Variants in SLC4A4 observed in about 807,000 individuals in gnomAD.
The protein encoded by SLC4A4 is solute carrier family 4 member 4.
In SLC4A4, 27 loss-of-function variants were observed where a neutral mutation model predicts 111.5. That is an observed-to-expected ratio of 0.24 (90% confidence interval 0.18 to 0.33). SLC4A4 has a LOEUF of 0.33. Among genes scored for constraint, SLC4A4 ranks in the 10% least tolerant of loss-of-function variants. SLC4A4 has a pLI of 1.00. For synonymous variants in SLC4A4, 443 were observed against 463.4 expected (o/e 0.96, Z 0.57); for missense variants, 909 against 1,315.5 (o/e 0.69, Z 4.78).
At position 71,546,488 on chromosome 4, in the gene SLC4A4, A is replaced by G; in HGVS notation, c.2581A>G (p.Thr861Ala). ...CGACAGTTTGAAGATGGAGACAGAGACTTCTGCACCTGGAGAACAACCAAA... is the reference window on the plus strand; with the variant it reads ...CGACAGTTTGAAGATGGAGACAGAGGCTTCTGCACCTGGAGAACAACCAAA... ...HIDSLKMETE[T>A]SAPGEQPKFL... Residue 861 changes from threonine to alanine, a missense_variant, in exon 19 of 26, where the codon ACT (threonine) becomes GCT (alanine). Coordinates refer to ENST00000264485, the MANE Select transcript of SLC4A4 (RefSeq NM_001098484.3). The G allele has an allele frequency of 6.2e-7, 1 of 1,612,626 alleles. No individual in the cohort carries two copies. Among genetic ancestry groups the G allele is most frequent in the Non-Finnish European group, 8.5e-7 (1 of 1,179,052 alleles).
chr4:71,081,205 C>T (rs1289328901), intron 1 of SLC4A4, among the ~76,000 whole-genome samples: 1 of 152,122 alleles, frequency 6.6e-6, no homozygotes, highest in East Asian at 1.9e-4. Context: ...ATCTTAATGG[C>T]TCTGCATCTT....
At chr4:71,411,061 C>T (rs1414789723) in intron 7 of SLC4A4, among the ~76,000 whole-genome samples, 1 of 152,114 alleles carries the variant, frequency 6.6e-6, no homozygotes, top group African/African-American at 2.4e-5. Context: ...TATAACCATT[C>T]GATGACTACC....
At chr4:71,066,556 C>T (rs1025140561) in intron 1 of SLC4A4, among the ~76,000 whole-genome samples, 2 of 152,110 alleles carry the variant, frequency 1.3e-5, no homozygotes, top group African/African-American at 4.8e-5. Context: ...ATAGCAGAAA[C>T]AGTTCCAGAG....
At chr4:71,227,285 A>G (rs1719111956) in intron 1 of SLC4A4, among the ~76,000 whole-genome samples, 2 of 152,142 alleles carry the variant, frequency 1.3e-5, no homozygotes, top group African/African-American at 2.4e-5. Flanking sequence ...TGGCATGGGG[A>G]TGGTAGGACC....
At chr4:71,357,488 A>G (rs1730385429) in intron 6 of SLC4A4, among the ~76,000 whole-genome samples, 1 of 152,168 alleles carries the variant, frequency 6.6e-6, no homozygotes, top group Non-Finnish European at 1.5e-5. Context: ...TGAATATTAT[A>G]GATGAGTCAG....
chr4:71,223,398 C>T (rs1010129983), intron 1 of SLC4A4, among the ~76,000 whole-genome samples: 2 of 151,932 alleles, frequency 1.3e-5, no homozygotes, highest in Non-Finnish European at 2.9e-5. Context: ...TTCCTGACCT[C>T]GTGATCTGCC....
intron 16 of SLC4A4, among the ~76,000 whole-genome samples, chr4:71,499,123 G>A (rs982102426): frequency 1.3e-5 from 2 of 151,776 alleles, no homozygotes; most frequent in Non-Finnish European, 2.9e-5. Flanking sequence ...AATTTATTGG[G>A]CATCTTGGAT....
intron 18 of SLC4A4, among the ~76,000 whole-genome samples, chr4:71,545,960 G>C (rs1735483738): frequency 6.6e-6 from 1 of 152,040 alleles, no homozygotes; most frequent in East Asian, 1.9e-4. Context: ...AGTTTAAATT[G>C]CTACAAGATG....
intron 6 of SLC4A4, among the ~76,000 whole-genome samples, chr4:71,380,381 C>T (rs1030810874): frequency 4.6e-5 from 7 of 152,160 alleles, no homozygotes; most frequent in Non-Finnish European, 1.5e-5. Flanking sequence ...TTATGGTAGT[C>T]ATTAGGGCTA....
At chr4:71,340,700 G>C (rs192312437) in intron 4 of SLC4A4, among the ~76,000 whole-genome samples, 4 of 152,226 alleles carry the variant, frequency 2.6e-5, no homozygotes, top group African/African-American at 9.6e-5. Flanking sequence ...TTGCCTCTTA[G>C]TGACAAGACA....
chr4:71,440,902 T>C lies in SLC4A4; in HGVS notation c.965+129T>C, dbSNP rs566008065. The C allele has an allele frequency of 9.8e-5, 99 of 1,010,780 alleles. 1 individual carries two copies. In the South Asian group the frequency reaches 1.2e-3, roughly 13 times the overall value. The allele number at this position is 1,010,780 out of a possible 1,614,324, so 62.6% of individuals were successfully genotyped here. Reference sequence around the variant, plus strand: ...ATTGGAGAGGTTTAACTTGAAATAATGACTGTTTGACTTTTATACTGTCAA... The same window carrying C: ...ATTGGAGAGGTTTAACTTGAAATAACGACTGTTTGACTTTTATACTGTCAA... On this transcript the variant is annotated intron_variant, in intron 8 of 25. Coordinates refer to ENST00000264485, the MANE Select transcript of SLC4A4 (RefSeq NM_001098484.3).
intron 18 of SLC4A4, among the ~76,000 whole-genome samples, chr4:71,538,098 C>G (rs954395951): frequency 8.7e-5 from 5 of 57,560 alleles, no homozygotes; most frequent in Non-Finnish European, 2.5e-4. Flanking sequence ...TGGTTGTTGA[C>G]TAATATTTTT....
intron 1 of SLC4A4, among the ~76,000 whole-genome samples, chr4:71,085,623 T>C (rs186266908): frequency 6.6e-6 from 1 of 151,868 alleles, no homozygotes; most frequent in Non-Finnish European, 1.5e-5. Flanking sequence ...TTTCTACATA[T>C]GGCTAGCCAG....
rs558915753 is a variant in SLC4A4, at chr4:71,437,197, T to C, written c.808-3419T>C. Reference sequence around the variant, plus strand: ...TCCACTCCACACAGGAATACTTGAGTCCCTATGCTGTCCAAGAATCCACCT... The same window carrying C: ...TCCACTCCACACAGGAATACTTGAGCCCCTATGCTGTCCAAGAATCCACCT... On this transcript the variant is annotated intron_variant, in intron 7 of 25. Coordinates refer to ENST00000264485, the MANE Select transcript of SLC4A4 (RefSeq NM_001098484.3). The C allele has an allele frequency of 1.4e-4, 58 of 402,828 alleles. No homozygotes were observed. In the East Asian group the frequency reaches 3.6e-3, roughly 25 times the overall value. The allele number at this position is 402,828 out of a possible 1,614,324, so 25.0% of individuals were successfully genotyped here. A position where few individuals can be genotyped will look rare whatever the true frequency, so the allele number is the denominator to read the frequency against.
At chr4:71,122,584 A>T (rs977357903) in intron 2 of SLC4A4, among the ~76,000 whole-genome samples, 5 of 145,390 alleles carry the variant, frequency 3.4e-5, no homozygotes, top group Admixed American at 6.7e-5. Flanking sequence ...TGCCAGGTTT[A>T]AAAAAAAAAG....
intron 5 of SLC4A4, among the ~76,000 whole-genome samples, chr4:71,350,762 G>T (rs1578894725): frequency 6.6e-6 from 1 of 152,098 alleles, no homozygotes; most frequent in African/African-American, 2.4e-5. Flanking sequence ...AAGAAACTTT[G>T]CAGTAAGTCT....
intron 14 of SLC4A4, among the ~76,000 whole-genome samples, chr4:71,484,983 G>C (rs1160144504): frequency 6.6e-6 from 1 of 151,712 alleles, no homozygotes; most frequent in Non-Finnish European, 1.5e-5. Context: ...TTTGCACATT[G>C]GTTTTGTATC....
At chr4:71,375,819 G>T (rs778198954) in intron 6 of SLC4A4, among the ~76,000 whole-genome samples, 1 of 152,058 alleles carries the variant, frequency 6.6e-6, no homozygotes, top group Middle Eastern at 3.4e-3. Context: ...TGTCTATATA[G>T]CTGCTTTCAT....
chr4:71,415,786 A>G (rs1408822250), intron 7 of SLC4A4, among the ~76,000 whole-genome samples: 1 of 152,102 alleles, frequency 6.6e-6, no homozygotes, highest in Non-Finnish European at 1.5e-5. Flanking sequence ...AATTTTTCTC[A>G]AATCTGTCTT....
Sources: allele counts gnomAD v4.1 joint callset (sites outside exome capture counted in the v4.1 genomes callset), GRCh38; gene constraint gnomAD v4.1.1; transcripts MANE v1.5; gene names NCBI Gene and HGNC (gene_info 2026-07-23, HGNC 2026-07-21).